The following ANKS1B variants were observed in gnomAD, a reference collection of about 807,000 sequenced individuals.
The protein encoded by ANKS1B is ankyrin repeat and sterile alpha motif domain-containing protein 1B.
ANKS1B carries 36 observed loss-of-function variants against 148.3 expected under a neutral mutation model. The ratio of observed to expected loss-of-function variants is 0.24; its 90% CI spans 0.19 to 0.32. The LOEUF is 0.32. Ranked by LOEUF, ANKS1B falls within the 10% of genes least tolerant of loss-of-function variation. The pLI, the probability that ANKS1B is intolerant of heterozygous loss-of-function variation, is 1.00. For synonymous variants in ANKS1B, 542 were observed against 560.8 expected, an observed-to-expected ratio of 0.97 and a Z score of 0.47; for missense variants, 1,157 against 1,542.6, an observed-to-expected ratio of 0.75 and a Z score of 4.19.
intron 12 of ANKS1B, among the ~76,000 whole-genome samples, chr12:99,253,250 T>C (rs980954650): frequency 6.9e-6 from 1 of 144,262 alleles, no homozygotes. Flanking sequence ...GCAGTGGGGG[T>C]GGCATCAGGC....
chr12:99,327,016 ATAT>A (rs1196656661), intron 12 of ANKS1B, among the ~76,000 whole-genome samples: 3 of 135,218 alleles, frequency 2.2e-5, no homozygotes, highest in African/African-American at 2.9e-5. Flanking sequence ...TTTATATATT[ATAT>A]TATAATAAAT....
intron 8 of ANKS1B, among the ~76,000 whole-genome samples, chr12:99,723,262 C>T (rs2153557749): frequency 6.6e-6 from 1 of 152,320 alleles, no homozygotes; most frequent in South Asian, 2.1e-4. Context: ...GCTCCCTGGG[C>T]AGGGGAAGGG....
intron 14 of ANKS1B, among the ~76,000 whole-genome samples, chr12:99,223,959 CTGTTTT>C (rs2085495352): frequency 6.6e-6 from 1 of 152,174 alleles, no homozygotes; most frequent in Non-Finnish European, 1.5e-5. Context: ...TTCTCTGTTC[CTGTTTT>C]TATTAGTGGG....
At chr12:98,935,294 G>T (rs2099817529) in intron 17 of ANKS1B, among the ~76,000 whole-genome samples, 1 of 152,038 alleles carries the variant, frequency 6.6e-6, no homozygotes, top group Admixed American at 6.6e-5. Flanking sequence ...TTCATATGTT[G>T]AGCCATCCTT....
chr12:98,753,334 A>G (rs897830687), intron 25 of ANKS1B, among the ~76,000 whole-genome samples: 7 of 152,244 alleles, frequency 4.6e-5, no homozygotes, highest in Non-Finnish European at 8.8e-5. Flanking sequence ...CTGAGGTCAC[A>G]GAGCATCAGA....
chr12:99,606,263 A>C (rs188983579), intron 9 of ANKS1B, among the ~76,000 whole-genome samples: 1 of 151,938 alleles, frequency 6.6e-6, no homozygotes, highest in Non-Finnish European at 1.5e-5. Flanking sequence ...ATAGTTTACA[A>C]ATGTTTTTTG....
rs530649238 is a variant in ANKS1B at position 99,225,046 on chromosome 12, T to C, written c.2419+19296A>G. Among the ~76,000 whole-genome samples, 5 of 152,336 alleles carry C rather than the reference T, an allele frequency of 3.3e-5. No individual in the cohort carries two copies. In the East Asian group the frequency reaches 9.6e-4, roughly 29 times the overall value. ...ATGTTTCAGAACCAATGTGTGTTTA[T>C]ATCATGGAAAAAGCTAGAAATCCCA... On this transcript the variant is annotated intron_variant, in intron 14 of 26. Transcript: ENST00000683438.
At chr12:99,241,630 A>T (rs2089346730) in intron 14 of ANKS1B, among the ~76,000 whole-genome samples, 1 of 152,238 alleles carries the variant, frequency 6.6e-6, no homozygotes, top group Non-Finnish European at 1.5e-5. Flanking sequence ...CCTGATGAAC[A>T]TTGATGTGAA....
At chr12:99,968,513 G>T (rs149554727) in intron 1 of ANKS1B, among the ~76,000 whole-genome samples, 1 of 152,086 alleles carries the variant, frequency 6.6e-6, no homozygotes, top group South Asian at 2.1e-4. Context: ...AGCCAAGATC[G>T]TGCCACTGCA....
chr12:99,945,724 G>T (rs554384588), intron 1 of ANKS1B, among the ~76,000 whole-genome samples: 4 of 152,258 alleles, frequency 2.6e-5, no homozygotes, highest in Admixed American at 6.5e-5. Context: ...TGGTGACGTG[G>T]AACACAGACT....
At position 99,772,909 on chromosome 12, in the gene ANKS1B, C is replaced by A; in HGVS notation, c.1128+13G>T. On this transcript the variant is annotated intron_variant, in intron 8 of 26. Coordinates refer to ENST00000683438, the MANE Select transcript of ANKS1B (RefSeq NM_001352186.2). ...ACAGACACATTATCTTCATTCCCCC[C>A]CGCCTTACTTACTACACTCTGGCTT... is the stretch of plus-strand genomic sequence containing the variant. 6.2e-7 allele frequency: 1 copy of A among 1,605,242 alleles called. No individual in the cohort carries two copies. The highest frequency in any genetic ancestry group is 2.2e-5 in the East Asian group (1 of 44,676).
chr12:99,331,026 C>A (rs913147791), intron 12 of ANKS1B, among the ~76,000 whole-genome samples: 2 of 151,862 alleles, frequency 1.3e-5, no homozygotes, highest in Non-Finnish European at 2.9e-5. Context: ...ATTGATGAAT[C>A]CATTGGATAT....
chr12:99,906,437 G>A (rs564654654), intron 1 of ANKS1B, among the ~76,000 whole-genome samples: 2 of 152,196 alleles, frequency 1.3e-5, no homozygotes, highest in South Asian at 4.1e-4. Context: ...ATTTTTCAGA[G>A]GAGGGCTGGT....
chr12:99,250,380 G>C (rs755584217), intron 12 of ANKS1B, among the ~76,000 whole-genome samples: 7 of 152,170 alleles, frequency 4.6e-5, no homozygotes, highest in Non-Finnish European at 1.0e-4. Flanking sequence ...CTAGCCCCAG[G>C]AGGGGCCGTC....
Position 99,567,874 on chromosome 12 carries a change from A to G in ANKS1B, c.1273-63233T>C, listed in dbSNP as rs144229174. Among the ~76,000 whole-genome samples, 538 of 152,288 alleles carry G rather than the reference A, an allele frequency of 3.5e-3. 4 individuals carry two copies. Among genetic ancestry groups the G allele is most frequent in the African/African-American group, 0.011 (451 of 41,562 alleles). On this transcript the variant is annotated intron_variant, in intron 9 of 26. Transcript: ENST00000683438. ...TCCTAGGAAAGAGCTTATCAACTCA[A>G]TTGAGACTACATTTATATGGAGAGG...
intron 12 of ANKS1B, among the ~76,000 whole-genome samples, chr12:99,371,862 GTAC>G: frequency 6.6e-6 from 1 of 152,172 alleles, no homozygotes; most frequent in East Asian, 1.9e-4. Flanking sequence ...AATGGCACCT[GTAC>G]TAATAATAAT....
chr12:99,307,960 C>T (rs1012041444), intron 12 of ANKS1B, among the ~76,000 whole-genome samples: 4 of 151,988 alleles, frequency 2.6e-5, no homozygotes, highest in Non-Finnish European at 5.9e-5. Context: ...GGAGGACTCC[C>T]TCGACTAATA....
At position 98,929,989 on chromosome 12, in the gene ANKS1B, G is replaced by A. The variant is rs540784773; in HGVS notation, c.2779-97853C>T. On this transcript the variant is annotated intron_variant, in intron 17 of 26. Transcript: ENST00000683438. ...TGATTCAAATGATATTATGAAGAAA[G>A]TAAAAATACAATCCACAAAAATGGA... Among the ~76,000 whole-genome samples, 9 of 152,032 alleles carry A rather than the reference G, an allele frequency of 5.9e-5. No homozygotes were observed. The South Asian group carries it at 1.7e-3, about 28-fold the overall frequency.
At chr12:99,495,635 ACT>A (rs1049337950) in intron 10 of ANKS1B, among the ~76,000 whole-genome samples, 2 of 152,174 alleles carry the variant, frequency 1.3e-5, no homozygotes, top group African/African-American at 4.8e-5. Flanking sequence ...GTAAATAATT[ACT>A]GTTTGATAAA....
Sources: allele counts gnomAD v4.1 joint callset (sites outside exome capture counted in the v4.1 genomes callset), GRCh38; gene constraint gnomAD v4.1.1; transcripts MANE v1.5; gene names NCBI Gene and HGNC (gene_info 2026-07-23, HGNC 2026-07-21).